Variants in ARL8B observed in about 807,000 individuals in gnomAD.
The protein encoded by ARL8B is ARF like GTPase 8B.
In ARL8B, 9 loss-of-function variants were observed where a neutral mutation model predicts 30.6. The ratio of observed to expected loss-of-function variants is 0.29; its 90% CI spans 0.18 to 0.51. The LOEUF (loss-of-function observed/expected upper bound fraction) is 0.51. Ranked by LOEUF, ARL8B falls within the 20% of genes least tolerant of loss-of-function variation. ARL8B has a pLI of 0.97. For missense variants in ARL8B, 130 were observed against 227.2 expected, an observed-to-expected ratio of 0.57 and a Z score of 2.75; for synonymous variants, 74 against 76.0, an observed-to-expected ratio of 0.97 and a Z score of 0.14.
chr3:5,128,769 G>A (rs1383638794), intron 1 of ARL8B, among the ~76,000 whole-genome samples: 3 of 152,134 alleles, frequency 2.0e-5, no homozygotes, highest in Admixed American at 6.6e-5. Context: ...TACCATCCAA[G>A]ATTAACTACT....
intron 1 of ARL8B, among the ~76,000 whole-genome samples, chr3:5,144,974 G>A (rs558665356): frequency 9.2e-5 from 14 of 152,282 alleles, no homozygotes; most frequent in East Asian, 5.8e-4. Context: ...GAGCTTTAGC[G>A]CCTGGTTAAA....
intron 1 of ARL8B, 66 bp from the exon 2 acceptor site, chr3:5,170,437 T>C (rs2054662465): frequency 9.6e-7 from 1 of 1,037,344 alleles, no homozygotes. Flanking sequence ...GCAATGTTGA[T>C]ATTAGAAGTT....
chr3:5,124,181 A>C (rs1377972385), intron 1 of ARL8B, among the ~76,000 whole-genome samples: 1 of 150,462 alleles, frequency 6.6e-6, no homozygotes, highest in East Asian at 2.0e-4. Flanking sequence ...CTATTGTAAT[A>C]TTATGATTTT....
chr3:5,125,354 C>T (rs1368901814), intron 1 of ARL8B, among the ~76,000 whole-genome samples: 4 of 152,134 alleles, frequency 2.6e-5, no homozygotes, highest in African/African-American at 9.7e-5. Flanking sequence ...GTATCATTTT[C>T]TACTTTGAAT....
intron 1 of ARL8B, chr3:5,128,322 G>C (rs369048897): frequency 4.9e-5 from 15 of 306,084 alleles, no homozygotes; most frequent in African/African-American, 3.4e-4. Flanking sequence ...GACTGGAGAA[G>C]CTAGTCTTCC....
rs1168160759 is a variant in ARL8B at position 5,151,007 on chromosome 3, C to T, written c.124-19496C>T. Among the ~76,000 whole-genome samples the T allele has an allele frequency of 2.0e-5, 3 of 152,064 alleles. No homozygotes were observed. The East Asian group carries it at 5.8e-4, about 29-fold the overall frequency. On this transcript the variant is annotated intron_variant, in intron 1 of 6. Transcript: ENST00000256496. Reference sequence around the variant, plus strand: ...GAGCATAGCGTGTTTATAGTATTCTCTTATTTATCTTTTTTAATGTCGGTG... The same window carrying T: ...GAGCATAGCGTGTTTATAGTATTCTTTTATTTATCTTTTTTAATGTCGGTG...
chr3:5,167,285 A>C (rs2054632561), intron 1 of ARL8B, among the ~76,000 whole-genome samples: 1 of 152,204 alleles, frequency 6.6e-6, no homozygotes, highest in African/African-American at 2.4e-5. Flanking sequence ...GAAGGCAGGC[A>C]TGAAAGCATA....
chr3:5,159,762 GTTT>G (rs541015933), intron 1 of ARL8B, among the ~76,000 whole-genome samples: 1 of 150,692 alleles, frequency 6.6e-6, no homozygotes, highest in African/African-American at 2.4e-5. Flanking sequence ...CTTTTTTACA[GTTT>G]TTTTTTATGA....
chr3:5,170,605 G>A (rs530115369), intron 2 of ARL8B, 22 bp downstream of exon 2: 27 of 1,572,966 alleles, frequency 1.7e-5, no homozygotes, highest in African/African-American at 1.2e-4. Flanking sequence ...CTTGCCGTAC[G>A]CAATTTAAAT....
intron 1 of ARL8B, among the ~76,000 whole-genome samples, chr3:5,134,126 G>A (rs1402244254): frequency 1.3e-5 from 2 of 152,214 alleles, no homozygotes; most frequent in Non-Finnish European, 2.9e-5. Context: ...ACAGGAAGTA[G>A]TTGAGATCCA....
At chr3:5,142,381 A>G (rs1021328276) in intron 1 of ARL8B, among the ~76,000 whole-genome samples, 13 of 152,242 alleles carry the variant, frequency 8.5e-5, no homozygotes, top group Middle Eastern at 3.4e-3. Flanking sequence ...GACCTCTGCA[A>G]TGTGGGAAAG....
chr3:5,124,432 CATG>C (rs2054212263), intron 1 of ARL8B, among the ~76,000 whole-genome samples: 1 of 151,590 alleles, frequency 6.6e-6, no homozygotes, highest in Admixed American at 6.6e-5. Context: ...AATGAGGAAA[CATG>C]AACTTCGGGT....
intron 1 of ARL8B, among the ~76,000 whole-genome samples, chr3:5,141,729 A>C (rs1173298180): frequency 6.6e-6 from 1 of 152,152 alleles, no homozygotes; most frequent in East Asian, 1.9e-4. Context: ...AACGTTTCCC[A>C]CCCAGCATAA....
At chr3:5,126,658 A>G (rs1397550348) in intron 1 of ARL8B, among the ~76,000 whole-genome samples, 1 of 152,210 alleles carries the variant, frequency 6.6e-6, no homozygotes, top group Non-Finnish European at 1.5e-5. Context: ...TAAAACTGAA[A>G]TGATACCTAA....
chr3:5,168,153 A>C (rs2054640122), intron 1 of ARL8B, among the ~76,000 whole-genome samples: 1 of 152,086 alleles, frequency 6.6e-6, no homozygotes, highest in South Asian at 2.1e-4. Context: ...TTAAGATCTC[A>C]ACCTCCACCT....
intron 1 of ARL8B, among the ~76,000 whole-genome samples, chr3:5,142,786 T>G (rs988632914): frequency 1.3e-5 from 2 of 152,192 alleles, no homozygotes; most frequent in African/African-American, 4.8e-5. Context: ...ATGGGGTCTT[T>G]CCCTGTGATG....
rs147122055 is a variant in ARL8B, at chr3:5,122,540, C to A, written c.75C>A (p.Leu25=). Reference sequence around the variant, plus strand: ...GGAAGGAAGAGATGGAGCTGACGCTCGTGGGGCTGCAGTACTCGGGCAAGA... The same window carrying A: ...GGAAGGAAGAGATGGAGCTGACGCTAGTGGGGCTGCAGTACTCGGGCAAGA... ...LFWKEEMELT[L]VGLQYSGKTT... The change falls in exon 1 of 7, where the codon CTC becomes CTA. Residue 25 remains leucine (L), a synonymous_variant. Transcript: ENST00000256496. The A allele has an allele frequency of 6.5e-5, 105 of 1,612,686 alleles. No homozygotes were observed. Among genetic ancestry groups the A allele is most frequent in the Non-Finnish European group, 8.1e-5 (95 of 1,179,470 alleles).
At chr3:5,162,490 A>G (rs1356045375) in intron 1 of ARL8B, among the ~76,000 whole-genome samples, 1 of 152,180 alleles carries the variant, frequency 6.6e-6, no homozygotes, top group Non-Finnish European at 1.5e-5. Context: ...ATGACTTTGT[A>G]GAAGGTTTTA....
intron 1 of ARL8B, among the ~76,000 whole-genome samples, chr3:5,161,625 C>T (rs1402406499): frequency 6.6e-6 from 1 of 152,152 alleles, no homozygotes; most frequent in Non-Finnish European, 1.5e-5. Context: ...GGAGACAACA[C>T]CTCTGCATTC....
Sources: gnomAD v4.1 joint callset for allele counts (sites outside exome capture counted in the v4.1 genomes callset) on GRCh38, gnomAD v4.1.1 for gene constraint, MANE v1.5 for transcripts, NCBI Gene and HGNC (gene_info 2026-07-23, HGNC 2026-07-21) for gene names.